Variants in SH3PXD2A observed in about 807,000 individuals in gnomAD.
SH3PXD2A encodes the protein SH3 and PX domains 2A, also known as SH3 and PX domain-containing protein 2A.
A neutral mutation model predicts 115.2 loss-of-function variants in SH3PXD2A; 32 were observed. The ratio of observed to expected loss-of-function variants is 0.28; its 90% confidence interval spans 0.21 to 0.37. The LOEUF is 0.37. Among genes scored for constraint, SH3PXD2A ranks in the 10% least tolerant of loss-of-function variants. The pLI, the probability that SH3PXD2A is intolerant of heterozygous loss-of-function variation, is 1.00. For missense variants in SH3PXD2A, 1,328 were observed against 1,498.7 expected (o/e 0.89, Z 1.88); for synonymous variants, 610 against 629.1 (o/e 0.97, Z 0.45).
chr10:103,667,095 T>C (rs1246090780), intron 7 of SH3PXD2A, among the ~76,000 whole-genome samples: 1 of 152,138 alleles, frequency 6.6e-6, no homozygotes, highest in Non-Finnish European at 1.5e-5. Context: ...TCCTGTCTCA[T>C]ATCTCAAAGA....
chr10:103,767,816 T>TTTTG (rs1424563352), intron 2 of SH3PXD2A, among the ~76,000 whole-genome samples: 2 of 148,378 alleles, frequency 1.3e-5, no homozygotes, highest in African/African-American at 5.0e-5. Flanking sequence ...TTTTGTTTTT[T>TTTTG]TTTTTTTTTT....
intron 2 of SH3PXD2A, among the ~76,000 whole-genome samples, chr10:103,788,218 C>CG (rs1248102670): frequency 6.6e-6 from 1 of 152,190 alleles, no homozygotes; most frequent in Non-Finnish European, 1.5e-5. Context: ...CATCCCACAA[C>CG]AGCTCTATGG....
rs572771833 is a variant in SH3PXD2A, at chr10:103,819,418, C to T, written c.73-18056G>A. ...GCAAAAGAAACAGCATAAGCAAAGG[C>T]TGAGGGCTAGGGGAGGGGGCATGAC... is the stretch of plus-strand genomic sequence containing the variant. On this transcript the variant is annotated intron_variant, in intron 1 of 14. Coordinates refer to ENST00000369774, the MANE Select transcript of SH3PXD2A (RefSeq NM_001394015.1). Among the ~76,000 whole-genome samples the T allele has an allele frequency of 3.4e-4, 51 of 152,212 alleles. 1 individual carries two copies. Among genetic ancestry groups the T allele is most frequent in the Admixed American group, 1.9e-3 (29 of 15,294 alleles).
At chr10:103,709,007 T>G (rs1263275636) in intron 5 of SH3PXD2A, among the ~76,000 whole-genome samples, 1 of 151,750 alleles carries the variant, frequency 6.6e-6, no homozygotes, top group Non-Finnish European at 1.5e-5. Context: ...AACCTTCAAT[T>G]CCCTGGCTTG....
At chr10:103,674,693 G>A (rs1397379512) in intron 6 of SH3PXD2A, among the ~76,000 whole-genome samples, 2 of 152,102 alleles carry the variant, frequency 1.3e-5, no homozygotes, top group Admixed American at 1.3e-4. Context: ...GGTGGTGTAT[G>A]CCTGTAATCC....
chr10:103,813,182 G>A (rs2039289495), intron 1 of SH3PXD2A, among the ~76,000 whole-genome samples: 2 of 151,924 alleles, frequency 1.3e-5, no homozygotes, highest in Admixed American at 6.5e-5. Context: ...ATTGTATGGG[G>A]GGAAGTTTGC....
At chr10:103,802,132 T>C (rs754582399) in intron 1 of SH3PXD2A, among the ~76,000 whole-genome samples, 3 of 152,198 alleles carry the variant, frequency 2.0e-5, no homozygotes, top group Non-Finnish European at 4.4e-5. Context: ...AGGGCTCGGA[T>C]GTTTACACTT....
In SH3PXD2A at chr10:103,633,774, G is replaced by C. The variant is rs1347116288; in HGVS notation, c.605-6572C>G. 2.2e-5 allele frequency among the ~76,000 whole-genome samples: 3 copies of C among 137,340 alleles called. No homozygotes were observed. The South Asian group carries it at 7.7e-4, about 35-fold the overall frequency. 90.1% of individuals were successfully genotyped at this position (137,340 alleles called of 152,430 possible). ...AAAAAAAGACTCAGCTCCAAGTCTT[G>C]ACGGCACAGCGGGAGAATAGGATTC... On this transcript the variant is annotated intron_variant, in intron 8 of 14. Transcript: ENST00000369774.
Position 103,603,730 on chromosome 10 carries a change from C to G in SH3PXD2A, c.1488G>C (p.Trp496Cys), listed in dbSNP as rs771429951. Residue 496 changes from tryptophan to cysteine, a missense_variant, in exon 15 of 15, where the codon TGG (tryptophan) becomes TGC (cysteine). Physicochemically the swap from Trp to Cys is radical, Grantham distance 215 (BLOSUM62 -2). Around this residue, in one of 5 missense-constraint regions of SH3PXD2A, gnomAD observed 509 missense variants for 628.3 expected, o/e 0.81. Transcript: ENST00000369774. ...GCTTATCGATGTATGATGCGGGGGCCCAGCCCTCCTTCTCACCGATCTGCA... is the reference window on the plus strand; with the variant it reads ...GCTTATCGATGTATGATGCGGGGGCGCAGCCCTCCTTCTCACCGATCTGCA... ...WYVQIGEKEG[W>C]APASYIDKRK... 1.9e-6 allele frequency: 3 copies of G among 1,611,082 alleles called. No individual in the cohort carries two copies.
intron 8 of SH3PXD2A, among the ~76,000 whole-genome samples, chr10:103,657,404 G>T (rs987992149): frequency 6.6e-6 from 1 of 152,192 alleles, no homozygotes; most frequent in African/African-American, 2.4e-5. Context: ...CAGTATTTGA[G>T]GCAAATGAAT....
chr10:103,702,409 C>T (rs947528406), intron 5 of SH3PXD2A, among the ~76,000 whole-genome samples: 6 of 152,170 alleles, frequency 3.9e-5, no homozygotes, highest in Non-Finnish European at 2.9e-5. Flanking sequence ...ATAGAAATTT[C>T]CAGGACAGGG....
chr10:103,662,123 G>A (rs2037315325), intron 7 of SH3PXD2A: 1 of 236,938 alleles, frequency 4.2e-6, no homozygotes, highest in Non-Finnish European at 6.9e-6. Flanking sequence ...TGAGGGGCTT[G>A]AGGGGTCAAA....
chr10:103,772,898 T>A, intron 2 of SH3PXD2A, among the ~76,000 whole-genome samples: 1 of 152,272 alleles, frequency 6.6e-6, no homozygotes, highest in East Asian at 1.9e-4. Flanking sequence ...AAAAAGCTGG[T>A]GGCTTTCCTG....
intron 1 of SH3PXD2A, among the ~76,000 whole-genome samples, chr10:103,851,363 C>T (rs1290252170): frequency 2.0e-5 from 3 of 152,118 alleles, no homozygotes; most frequent in African/African-American, 4.8e-5. Flanking sequence ...CACAGTGACC[C>T]GCCTGCGTTG....
At chr10:103,636,380 G>C (rs950573484) in intron 8 of SH3PXD2A, among the ~76,000 whole-genome samples, 1 of 149,764 alleles carries the variant, frequency 6.7e-6, no homozygotes, top group Non-Finnish European at 1.5e-5. Context: ...CTGCACTCCA[G>C]CCTGGGTGAC....
At chr10:103,776,951 C>CAAAACATAACCATTAAAAG (rs1278296445) in intron 2 of SH3PXD2A, among the ~76,000 whole-genome samples, 1 of 152,308 alleles carries the variant, frequency 6.6e-6, no homozygotes, top group Admixed American at 6.5e-5. Flanking sequence ...CACATTAAAA[C>CAAAACATAACCATTAAAAG]AAAACATAAC....
At chr10:103,752,887 T>C (rs1159383998) in intron 3 of SH3PXD2A, among the ~76,000 whole-genome samples, 2 of 152,216 alleles carry the variant, frequency 1.3e-5, no homozygotes. Flanking sequence ...AATTCCAGCA[T>C]CTGCCACTAG....
intron 1 of SH3PXD2A, among the ~76,000 whole-genome samples, chr10:103,832,370 G>GAAAAAA (rs58886791): frequency 3.3e-4 from 42 of 127,868 alleles, no homozygotes; most frequent in East Asian, 4.7e-4. Context: ...AACCTAAAAA[G>GAAAAAA]AAAAAAAAAA....
intron 2 of SH3PXD2A, among the ~76,000 whole-genome samples, chr10:103,792,825 T>A (rs1380060913): frequency 6.6e-6 from 1 of 152,230 alleles, no homozygotes; most frequent in Non-Finnish European, 1.5e-5. Context: ...GAATACAAGA[T>A]TCCAGTTGGA....
Sources: allele counts gnomAD v4.1 joint callset (sites outside exome capture counted in the v4.1 genomes callset), GRCh38; gene constraint gnomAD v4.1.1; regional missense constraint gnomAD v4.1.1; transcripts MANE v1.5; gene names NCBI Gene and HGNC (gene_info 2026-07-23, HGNC 2026-07-21).